Variants in MAPRE1 observed in about 807,000 individuals in gnomAD.
MAPRE1 encodes microtubule associated protein RP/EB family member 1, also known as microtubule-associated protein RP/EB family member 1.
In MAPRE1, 5 loss-of-function variants were observed where a neutral mutation model predicts 32.1. The observed-to-expected ratio is 0.16, with a 90% confidence interval of 0.08 to 0.33. The LOEUF is 0.33. Ranked by LOEUF, MAPRE1 falls within the 10% of genes least tolerant of loss-of-function variation. MAPRE1 has a pLI of 1.00. For missense variants in MAPRE1, 209 were observed against 327.2 expected (o/e 0.64, Z 2.79); for synonymous variants, 122 against 118.9 (o/e 1.03, Z -0.17).
Position 32,836,739 on chromosome 20 carries a change from G to A in MAPRE1, c.373G>A (p.Asp125Asn), listed in dbSNP as rs781154555. ...FDANYDGKDYDPVAARQGQET... is the reference protein window; with the variant it reads ...FDANYDGKDYNPVAARQGQET... ...TGCAAACTATGATGGAAAAGACTATGACCCTGTGGCTGCCAGACAAGGTCA... is the reference window on the plus strand; with the variant it reads ...TGCAAACTATGATGGAAAAGACTATAACCCTGTGGCTGCCAGACAAGGTCA... The change falls in exon 4 of 7, where the codon GAC (aspartate) becomes AAC (asparagine). Residue 125 changes from aspartate to asparagine, a missense_variant. Transcript: ENST00000375571. The A allele has an allele frequency of 1.9e-6, 3 of 1,614,002 alleles. No homozygotes were observed. In the Admixed American group the frequency reaches 5.0e-5, roughly 27 times the overall value.
rs1040883762 is a variant in MAPRE1 at position 32,835,832 on chromosome 20, C to A, written c.268-802C>A. On this transcript the variant is annotated intron_variant, in intron 3 of 6. Coordinates refer to ENST00000375571, the MANE Select transcript of MAPRE1 (RefSeq NM_012325.3). ...TATTGGCCAGGCTGGTCTCGAACTCCTGACCTCAAGTGATCTACCTGCCTT... is the reference window on the plus strand; with the variant it reads ...TATTGGCCAGGCTGGTCTCGAACTCATGACCTCAAGTGATCTACCTGCCTT... 5.3e-5 allele frequency among the ~76,000 whole-genome samples: 8 copies of A among 151,422 alleles called. 1 individual carries two copies. The highest frequency in any genetic ancestry group is 1.7e-4 in the African/African-American group (7 of 41,300).
chr20:32,843,384 C>T (rs59651484), intron 5 of MAPRE1: 1 of 152,250 alleles, frequency 6.6e-6, no homozygotes, highest in East Asian at 1.9e-4. Flanking sequence ...TGCAAAGATT[C>T]TACATTCCTA....
chr20:32,833,781 A>G lies in MAPRE1; in HGVS notation c.186A>G (p.Lys62=). The change falls in exon 3 of 7, where the codon AAA becomes AAG. Residue 62 remains lysine (K), a synonymous_variant. Transcript: ENST00000375571. ...GCTCCATTGCCTTGAAGAAAGTGAA[A>G]TTCCAAGCTAAGCTAGAACACGAGT... ...FPGSIALKKV[K]FQAKLEHEYI... 1 of 1,614,126 alleles carries G rather than the reference A, an allele frequency of 6.2e-7. No individual in the cohort carries two copies. Among genetic ancestry groups the G allele is most frequent in the South Asian group, 1.1e-5 (1 of 91,074 alleles).
chr20:32,820,963 G>A (rs1364636160), intron 1 of MAPRE1, among the ~76,000 whole-genome samples: 1 of 151,860 alleles, frequency 6.6e-6, no homozygotes, highest in Non-Finnish European at 1.5e-5. Context: ...ACTGTTAAGT[G>A]CTCCATGTGG....
intron 6 of MAPRE1, 68 bp downstream of exon 6, chr20:32,846,838 T>C: frequency 1.3e-6 from 2 of 1,516,856 alleles, no homozygotes; most frequent in Non-Finnish European, 1.8e-6. Context: ...TCTGTGCTGA[T>C]GCTTGTTGTA....
intron 1 of MAPRE1, 35 bp from the exon 2 acceptor site, chr20:32,825,890 A>G (rs1321260576): frequency 6.5e-7 from 1 of 1,536,796 alleles, no homozygotes; most frequent in South Asian, 1.2e-5. Flanking sequence ...TGCCTAATGT[A>G]ACACAGGCCC....
At chr20:32,833,908 C>A (rs374114525) in intron 3 of MAPRE1, 46 bp downstream of exon 3, 1 of 1,544,880 alleles carries the variant, frequency 6.5e-7, no homozygotes, top group South Asian at 1.2e-5. Context: ...CCTTAATGAT[C>A]GTTACTAAGG....
chr20:32,825,406 TCA>T (rs1982816779), intron 1 of MAPRE1, among the ~76,000 whole-genome samples: 3 of 152,300 alleles, frequency 2.0e-5, no homozygotes, highest in Admixed American at 2.0e-4. Context: ...GCAGTTCATT[TCA>T]GGTCATGTTT....
At chr20:32,825,627 T>C (rs1469091552) in intron 1 of MAPRE1, among the ~76,000 whole-genome samples, 4 of 151,978 alleles carry the variant, frequency 2.6e-5, no homozygotes, top group Non-Finnish European at 2.9e-5. Context: ...AAACCCCATC[T>C]CTACTAAAAA....
At chr20:32,820,909 T>A (rs1201154966) in intron 1 of MAPRE1, among the ~76,000 whole-genome samples, 1 of 152,212 alleles carries the variant, frequency 6.6e-6, no homozygotes, top group Non-Finnish European at 1.5e-5. Flanking sequence ...GTAGTAATGA[T>A]AATAGCAGCT....
chr20:32,837,718 G>A (rs1220357878), intron 4 of MAPRE1, among the ~76,000 whole-genome samples: 2 of 152,072 alleles, frequency 1.3e-5, no homozygotes, highest in East Asian at 1.9e-4. Context: ...AAAGTTAAAC[G>A]GTTTTTAATA....
intron 5 of MAPRE1, among the ~76,000 whole-genome samples, chr20:32,842,147 G>A (rs1023237344): frequency 1.3e-5 from 2 of 151,750 alleles, no homozygotes; most frequent in Non-Finnish European, 2.9e-5. Context: ...GTGCAGTGGC[G>A]CGATCTTTGC....
intron 2 of MAPRE1, among the ~76,000 whole-genome samples, chr20:32,833,449 A>G (rs946205542): frequency 2.0e-5 from 3 of 152,186 alleles, no homozygotes; most frequent in Non-Finnish European, 2.9e-5. Flanking sequence ...GATTACCAAT[A>G]AAGAACAGGA....
chr20:32,848,000 T>G (rs943710633), intron 6 of MAPRE1, among the ~76,000 whole-genome samples: 1 of 152,096 alleles, frequency 6.6e-6, no homozygotes, highest in African/African-American at 2.4e-5. Flanking sequence ...GAGAAGATGT[T>G]AGAGTACTGA....
chr20:32,837,958 C>G (rs1983246790), intron 4 of MAPRE1, among the ~76,000 whole-genome samples: 1 of 152,130 alleles, frequency 6.6e-6, no homozygotes, highest in Non-Finnish European at 1.5e-5. Flanking sequence ...TGGTGCATGC[C>G]TGTAATCCCA....
intron 5 of MAPRE1, among the ~76,000 whole-genome samples, chr20:32,840,186 T>G (rs1273586933): frequency 1.3e-5 from 2 of 152,192 alleles, no homozygotes; most frequent in East Asian, 3.8e-4. Flanking sequence ...TTGAATAATT[T>G]AATAAAAAGG....
intron 5 of MAPRE1, among the ~76,000 whole-genome samples, chr20:32,843,699 G>T (rs551246435): frequency 6.6e-6 from 1 of 152,172 alleles, no homozygotes; most frequent in African/African-American, 2.4e-5. Flanking sequence ...CAGTGGCACT[G>T]GCCACGTTTA....
chr20:32,822,903 A>G (rs1039558336), intron 1 of MAPRE1, among the ~76,000 whole-genome samples: 3 of 152,204 alleles, frequency 2.0e-5, no homozygotes, highest in Admixed American at 6.5e-5. Context: ...AAACATAGGG[A>G]TTAATTTCCC....
At chr20:32,835,841 A>G (rs1334394504) in intron 3 of MAPRE1, among the ~76,000 whole-genome samples, 1 of 151,768 alleles carries the variant, frequency 6.6e-6, no homozygotes, top group Non-Finnish European at 1.5e-5. Context: ...CCTGACCTCA[A>G]GTGATCTACC....
Sources: gnomAD v4.1 joint callset for allele counts (sites outside exome capture counted in the v4.1 genomes callset) on GRCh38, gnomAD v4.1.1 for gene constraint, MANE v1.5 for transcripts, NCBI Gene and HGNC (gene_info 2026-07-23, HGNC 2026-07-21) for gene names.